Variants in SOX5 observed in about 807,000 individuals in gnomAD.
SOX5 encodes SRY-box transcription factor 5.
A neutral mutation model predicts 92.0 loss-of-function variants in SOX5; 9 were observed. That is an observed-to-expected ratio of 0.10 (90% CI 0.06 to 0.17). The LOEUF is 0.17. Ranked by LOEUF, SOX5 falls within the 10% of genes least tolerant of loss-of-function variation. The probability of loss-of-function intolerance (pLI) is 1.00; values close to 1 mark genes in which losing one functional copy is unlikely to be tolerated. For missense variants in SOX5, 642 were observed against 944.5 expected, an observed-to-expected ratio of 0.68 and a Z score of 4.20; for synonymous variants, 344 against 336.3, an observed-to-expected ratio of 1.02 and a Z score of -0.25.
chr12:24,100,440 T>C (rs765037908), intron 4 of SOX5, among the ~76,000 whole-genome samples: 1 of 152,158 alleles, frequency 6.6e-6, no homozygotes, highest in Non-Finnish European at 1.5e-5. Context: ...TTAACACAAT[T>C]GACTCTGCCA....
chr12:24,211,237 C>T (rs1163328643), intron 4 of SOX5, among the ~76,000 whole-genome samples: 2 of 152,214 alleles, frequency 1.3e-5, no homozygotes, highest in Non-Finnish European at 2.9e-5. Context: ...TATCAAAGAG[C>T]CTTTCCCTAG....
At chr12:24,116,411 G>A (rs1948003037) in intron 4 of SOX5, among the ~76,000 whole-genome samples, 1 of 151,072 alleles carries the variant, frequency 6.6e-6, no homozygotes. Context: ...GTAGAGATGA[G>A]AAAAAATATC....
intron 2 of SOX5, among the ~76,000 whole-genome samples, chr12:23,872,785 G>C (rs2096889084): frequency 6.6e-6 from 1 of 152,138 alleles, no homozygotes; most frequent in South Asian, 2.1e-4. Flanking sequence ...CGATGTCTTT[G>C]AAAGGATTTT....
chr12:23,531,376 C>A lies in SOX5; in HGVS notation c.*2843G>T, dbSNP rs749767924. On this transcript the variant is annotated 3_prime_UTR_variant, in exon 15 of 15. Coordinates refer to ENST00000451604, the MANE Select transcript of SOX5 (RefSeq NM_006940.6). ...AATATAACAAAAAAAAGACCAAACA[C>A]CAAAGTGTTGTCAATTCATCGGTAA... The A allele has an allele frequency of 6.6e-6, 1 of 152,140 alleles. No homozygotes were observed. The highest frequency in any genetic ancestry group is 1.5e-5 in the Non-Finnish European group (1 of 68,024). 9.4% of individuals were successfully genotyped at this position (152,140 alleles called of 1,614,324 possible).
chr12:24,213,923 A>G (rs1008263129), intron 3 of SOX5, among the ~76,000 whole-genome samples: 8 of 151,784 alleles, frequency 5.3e-5, no homozygotes, highest in African/African-American at 1.9e-4. Context: ...AATTACAACC[A>G]TTTTTTATAG....
chr12:24,213,584 G>A (rs1958896585), intron 3 of SOX5, among the ~76,000 whole-genome samples: 1 of 133,598 alleles, frequency 7.5e-6, no homozygotes, highest in Non-Finnish European at 1.6e-5. Context: ...AAAATATTAA[G>A]TACTTTCATT....
At chr12:23,566,108 G>A (rs982059945) in intron 10 of SOX5, among the ~76,000 whole-genome samples, 1 of 152,054 alleles carries the variant, frequency 6.6e-6, no homozygotes, top group Non-Finnish European at 1.5e-5. Flanking sequence ...ATTTCTATAC[G>A]TCTTCATTGA....
chr12:23,846,884 A>T (rs2136067419), intron 2 of SOX5, among the ~76,000 whole-genome samples: 1 of 152,242 alleles, frequency 6.6e-6, no homozygotes, highest in Middle Eastern at 3.4e-3. Context: ...TTTGTATTTT[A>T]ATCCTCATTT....
chr12:24,485,585 C>G (rs912114318), intron 1 of SOX5, among the ~76,000 whole-genome samples: 1 of 151,986 alleles, frequency 6.6e-6, no homozygotes, highest in African/African-American at 2.4e-5. Flanking sequence ...ATAACAAGTA[C>G]CCTTCCCATT....
chr12:24,393,770 C>T lies in SOX5; in HGVS notation c.-250-25131G>A, dbSNP rs1959193940. Among the ~76,000 whole-genome samples, 1 of 152,136 alleles carries T rather than the reference C, an allele frequency of 6.6e-6. No individual in the cohort carries two copies. Among genetic ancestry groups the T allele is most frequent in the Non-Finnish European group, 1.5e-5 (1 of 68,026 alleles). On this transcript the variant is annotated intron_variant, in intron 1 of 4. Transcript: ENST00000446891. The surrounding 1 kb of genome is among the most constrained non-coding windows in gnomAD (Gnocchi z 5.0). The stretch of plus-strand genomic sequence containing the variant: ...TTTGGGGATGAAAGAAACTTTGTTT[C>T]CCATCTTCAAAGAAGTGGGGAAATT...
intron 4 of SOX5, among the ~76,000 whole-genome samples, chr12:24,194,854 A>G (rs1956863044): frequency 6.6e-6 from 1 of 152,194 alleles, no homozygotes; most frequent in Admixed American, 6.5e-5. Flanking sequence ...AATGATCTCC[A>G]ATTTACAACC....
intron 3 of SOX5, among the ~76,000 whole-genome samples, chr12:23,802,906 T>C (rs749265535): frequency 6.6e-6 from 1 of 152,174 alleles, no homozygotes. Context: ...TCAACCACAC[T>C]ACAGAATATT....
At chr12:24,399,845 T>C (rs1329788588) in intron 1 of SOX5, among the ~76,000 whole-genome samples, 2 of 152,228 alleles carry the variant, frequency 1.3e-5, no homozygotes, top group African/African-American at 2.4e-5. Context: ...CTCTAAAATA[T>C]ATGTAAAACA....
chr12:24,310,102 A>G (rs1949023363), intron 2 of SOX5, among the ~76,000 whole-genome samples: 1 of 152,182 alleles, frequency 6.6e-6, no homozygotes, highest in Non-Finnish European at 1.5e-5. Context: ...TTTAAAGGCC[A>G]CTTATATTGC....
chr12:24,358,330 A>C (rs917999385), intron 2 of SOX5, among the ~76,000 whole-genome samples: 4 of 152,230 alleles, frequency 2.6e-5, no homozygotes, highest in African/African-American at 9.6e-5. Context: ...TACCAATAAG[A>C]AGCCTTCTTT....
chr12:23,998,040 CAT>C (rs1951203465), intron 4 of SOX5, among the ~76,000 whole-genome samples: 2 of 152,042 alleles, frequency 1.3e-5, no homozygotes, highest in African/African-American at 4.8e-5. Flanking sequence ...AATCACAAAA[CAT>C]GTAAAGAAAT....
At chr12:23,802,020 T>C (rs1258822594) in intron 3 of SOX5, among the ~76,000 whole-genome samples, 3 of 152,142 alleles carry the variant, frequency 2.0e-5, no homozygotes, top group South Asian at 2.1e-4. Context: ...AAATTAAAAA[T>C]ATTACACGTA....
At chr12:24,106,166 G>A (rs1016391218) in intron 4 of SOX5, among the ~76,000 whole-genome samples, 20 of 150,754 alleles carry the variant, frequency 1.3e-4, no homozygotes, top group South Asian at 4.2e-4. Flanking sequence ...TTTGCAATGC[G>A]TGTATCACAC....
intron 2 of SOX5, among the ~76,000 whole-genome samples, chr12:24,330,359 A>C (rs1443031614): frequency 6.6e-6 from 1 of 152,192 alleles, no homozygotes; most frequent in African/African-American, 2.4e-5. Flanking sequence ...AAGGAAAAAA[A>C]GGGGGAAAAG....
Sources: allele counts gnomAD v4.1 joint callset (sites outside exome capture counted in the v4.1 genomes callset), GRCh38; gene constraint gnomAD v4.1.1; non-coding constraint Gnocchi (gnomAD v3.1); transcripts MANE v1.5; gene names NCBI Gene and HGNC (gene_info 2026-07-23, HGNC 2026-07-21).